Variants in CDH1 observed in about 807,000 individuals in gnomAD.
CDH1 encodes cadherin-1.
CDH1 carries 35 observed loss-of-function variants against 84.5 expected under a neutral mutation model. That is an observed-to-expected ratio of 0.41 (90% CI 0.32 to 0.55). CDH1 has a LOEUF of 0.55. Among genes scored for constraint, CDH1 ranks in the 20% least tolerant of loss-of-function variants. The probability of loss-of-function intolerance (pLI) is 0.19; values close to 1 mark genes in which losing one functional copy is unlikely to be tolerated. For missense variants in CDH1, 994 were observed against 1,126.6 expected (o/e 0.88, Z 1.68); for synonymous variants, 417 against 439.0 (o/e 0.95, Z 0.63).
chr16:68,828,227 C>T lies in CDH1; in HGVS notation c.2218C>T (p.Pro740Ser), dbSNP rs773795943. ...FLRRRAVVKE[P>S]LLPPEDDTRD... ...TCGGAGGAGAGCGGTGGTCAAAGAG[C>T]CCTTACTGCCCCCAGAGGATGACAC... The change falls in exon 14 of 16, where the codon CCC becomes TCC. Residue 740 changes from proline (P) to serine (S), a missense_variant. Physicochemically the swap from Pro to Ser is moderately conservative, Grantham distance 74. Transcript: ENST00000261769. 3 of 1,613,946 alleles carry T rather than the reference C, an allele frequency of 1.9e-6. No individual in the cohort carries two copies. The East Asian group carries it at 6.7e-5, about 36-fold the overall frequency.
intron 9 of CDH1, chr16:68,814,498 A>C (rs1960930502): frequency 6.6e-6 from 1 of 152,596 alleles, no homozygotes; most frequent in African/African-American, 2.4e-5. Context: ...TAGTGAGCCA[A>C]GATCGTGCTA....
At chr16:68,753,573 G>A (rs1367629885) in intron 2 of CDH1, among the ~76,000 whole-genome samples, 3 of 151,876 alleles carry the variant, frequency 2.0e-5, no homozygotes, top group Non-Finnish European at 2.9e-5. Flanking sequence ...TCCTGACCTC[G>A]TGATCTGCCC....
At chr16:68,812,539 C>T (rs1192280027) in intron 8 of CDH1, among the ~76,000 whole-genome samples, 3 of 152,174 alleles carry the variant, frequency 2.0e-5, no homozygotes, top group African/African-American at 7.2e-5. Context: ...CAAATATTAC[C>T]TGGTTTCATT....
chr16:68,818,849 CAAAA>C (rs758115524), intron 10 of CDH1, among the ~76,000 whole-genome samples: 1 of 72,496 alleles, frequency 1.4e-5, no homozygotes, highest in African/African-American at 4.1e-5. Flanking sequence ...GACTCCGTCT[CAAAA>C]AAAAAAAAAA....
At chr16:68,799,461 C>T (rs1280621533) in intron 2 of CDH1, among the ~76,000 whole-genome samples, 1 of 152,176 alleles carries the variant, frequency 6.6e-6, no homozygotes, top group African/African-American at 2.4e-5. Flanking sequence ...TAGCAGACTC[C>T]TAGCTATTGC....
chr16:68,781,999 TG>T (rs1408494254), intron 2 of CDH1, among the ~76,000 whole-genome samples: 2 of 152,170 alleles, frequency 1.3e-5, no homozygotes, highest in South Asian at 2.1e-4. Context: ...ACTCCTTTCA[TG>T]GCCACAGAGA....
intron 2 of CDH1, among the ~76,000 whole-genome samples, chr16:68,774,643 C>G (rs912669864): frequency 1.6e-4 from 24 of 152,086 alleles, no homozygotes; most frequent in Admixed American, 1.4e-3. Flanking sequence ...AGTTTGATGA[C>G]CAGTACAGCC....
chr16:68,786,274 C>T (rs1436189213), intron 2 of CDH1, among the ~76,000 whole-genome samples: 2 of 151,960 alleles, frequency 1.3e-5, no homozygotes, highest in African/African-American at 4.8e-5. Context: ...TGGGTTCAAG[C>T]GATTCTCCTG....
At position 68,833,478 on chromosome 16, in the gene CDH1, C is replaced by T. The variant is rs778681919; in HGVS notation, c.2628C>T (p.Tyr876=). The change falls in exon 16 of 16, where the codon TAC becomes TAT. Residue 876 remains tyrosine, a synonymous_variant. Coordinates refer to ENST00000261769, the MANE Select transcript of CDH1 (RefSeq NM_004360.5). ...GNRFKKLADM[Y]GGGEDD is the part of the protein sequence containing the mutation. The stretch of plus-strand genomic sequence containing the variant: ...GCTTCAAGAAGCTGGCTGACATGTA[C>T]GGAGGCGGCGAGGACGACTAGGGGA... 3.7e-6 allele frequency: 6 copies of T among 1,613,884 alleles called. No individual in the cohort carries two copies. In the African/African-American group the frequency reaches 4.0e-5, roughly 11 times the overall value.
intron 12 of CDH1, chr16:68,822,835 G>C (rs1961197274): frequency 4.2e-6 from 1 of 238,008 alleles, no homozygotes; most frequent in South Asian, 5.8e-5. Flanking sequence ...ACATCCAGAA[G>C]CCATGTAAAG....
chr16:68,829,525 A>T, intron 14 of CDH1, 129 bp from the exon 15 acceptor site: 1 of 948,516 alleles, frequency 1.1e-6, no homozygotes, highest in Non-Finnish European at 1.6e-6. Flanking sequence ...TTTTGCATTA[A>T]ACTGGTAAAG....
chr16:68,745,358 G>A (rs1403648273), intron 2 of CDH1, among the ~76,000 whole-genome samples: 2 of 150,000 alleles, frequency 1.3e-5, no homozygotes, highest in Non-Finnish European at 3.0e-5. Context: ...ATGGTGGCGT[G>A]CACCTGTGGT....
At position 68,813,376 on chromosome 16, in the gene CDH1, G is replaced by A. The variant is rs553525438; in HGVS notation, c.1201G>A (p.Ala401Thr). Reference sequence around the variant, plus strand: ...AATCACCACACTGAAAGTGACTGATGCTGATGCCCCCAATACCCCAGCGTG... The same window carrying A: ...AATCACCACACTGAAAGTGACTGATACTGATGCCCCCAATACCCCAGCGTG... ...VVITTLKVTDADAPNTPAWEA... is the reference protein window; with the variant it reads ...VVITTLKVTDTDAPNTPAWEA... The change falls in exon 9 of 16, where the codon GCT becomes ACT. Residue 401 changes from alanine (A) to threonine (T), a missense_variant. Ala to Thr is a moderately conservative substitution (Grantham distance 58). This residue lies in a region of CDH1 where 769 missense variants were observed against 881.8 expected (regional missense o/e 0.87). Coordinates refer to ENST00000261769, the MANE Select transcript of CDH1 (RefSeq NM_004360.5). The A allele has an allele frequency of 6.2e-7, 1 of 1,614,154 alleles. No individual in the cohort carries two copies. The highest frequency in any genetic ancestry group is 1.7e-5 in the Admixed American group (1 of 60,020).
chr16:68,824,061 G>C (rs1003732629), intron 13 of CDH1, among the ~76,000 whole-genome samples: 1 of 142,060 alleles, frequency 7.0e-6, no homozygotes, highest in South Asian at 2.3e-4. Flanking sequence ...GCAATGGTGT[G>C]ATCTCAGCTC....
intron 10 of CDH1, among the ~76,000 whole-genome samples, chr16:68,817,433 A>G (rs1464743469): frequency 1.3e-5 from 2 of 152,234 alleles, no homozygotes; most frequent in Non-Finnish European, 2.9e-5. Flanking sequence ...CACAGATGCC[A>G]AATCCATTGG....
At chr16:68,794,687 T>G (rs1227309474) in intron 2 of CDH1, among the ~76,000 whole-genome samples, 1 of 143,536 alleles carries the variant, frequency 7.0e-6, no homozygotes. Context: ...CGGGCTAACT[T>G]TTTTTTTTTT....
intron 2 of CDH1, among the ~76,000 whole-genome samples, chr16:68,794,399 A>G (rs1960298645): frequency 6.6e-6 from 1 of 152,130 alleles, no homozygotes; most frequent in Admixed American, 6.6e-5. Context: ...TCATCAAGTG[A>G]GAGTCAGTGT....
intron 3 of CDH1, among the ~76,000 whole-genome samples, chr16:68,808,221 C>T (rs535713539): frequency 6.6e-6 from 1 of 152,162 alleles, no homozygotes; most frequent in East Asian, 1.9e-4. Flanking sequence ...TACGATATAG[C>T]AAAGGGTCTC....
At chr16:68,829,957 T>C (rs1349673059) in intron 15 of CDH1, among the ~76,000 whole-genome samples, 160 bp downstream of exon 15, 1 of 123,218 alleles carries the variant, frequency 8.1e-6, no homozygotes, top group African/African-American at 4.7e-5. Flanking sequence ...TTTTTTCTTT[T>C]TCTTTTTTTT....
Sources: allele counts gnomAD v4.1 joint callset (sites outside exome capture counted in the v4.1 genomes callset), GRCh38; gene constraint gnomAD v4.1.1; regional missense constraint gnomAD v4.1.1; transcripts MANE v1.5; gene names NCBI Gene and HGNC (gene_info 2026-07-23, HGNC 2026-07-21).